The following ANK2 variants were observed in gnomAD, a reference collection of about 807,000 sequenced individuals.
The protein encoded by ANK2 is ankyrin 2, also known as ankyrin-2.
Under a neutral mutation model 360.5 loss-of-function variants are expected in ANK2, and 83 were observed. That is an observed-to-expected ratio of 0.23 (90% CI 0.19 to 0.28). ANK2 has a LOEUF of 0.28. Among genes scored for constraint, ANK2 ranks in the 10% least tolerant of loss-of-function variants. The pLI is 1.00. For synonymous variants in ANK2, 1,740 were observed against 1,759.5 expected, an observed-to-expected ratio of 0.99 and a Z score of 0.28; for missense variants, 4,201 against 4,795.7, an observed-to-expected ratio of 0.88 and a Z score of 3.66.
chr4:113,372,655 G>T, intron 43 of ANK2: 1 of 1,424,798 alleles, frequency 7.0e-7, no homozygotes, highest in Non-Finnish European at 9.6e-7. Context: ...TGCACGTCAG[G>T]GACAGTCCTG....
chr4:112,989,276 C>A (rs2045958401), intron 2 of ANK2, among the ~76,000 whole-genome samples: 1 of 152,172 alleles, frequency 6.6e-6, no homozygotes, highest in South Asian at 2.1e-4. Flanking sequence ...TTCAATAGGA[C>A]AATTTAATAA....
intron 2 of ANK2, among the ~76,000 whole-genome samples, chr4:112,956,049 C>G (rs973495556): frequency 6.6e-6 from 1 of 152,188 alleles, no homozygotes; most frequent in East Asian, 1.9e-4. Context: ...CCCTCTGATT[C>G]TTGGGAATAT....
chr4:113,332,615 A>G (rs1247054315), intron 28 of ANK2, among the ~76,000 whole-genome samples: 1 of 152,228 alleles, frequency 6.6e-6, no homozygotes, highest in East Asian at 1.9e-4. Context: ...CAAGTAGTCA[A>G]CTTTCTGACA....
chr4:112,762,701 G>C, the ANK2 span, among the ~76,000 whole-genome samples: 1 of 152,144 alleles, frequency 6.6e-6, no homozygotes, highest in Admixed American at 6.5e-5. Flanking sequence ...GTAGAGAGTG[G>C]GTTTCACCAC....
intron 35 of ANK2, among the ~76,000 whole-genome samples, chr4:113,346,500 T>A (rs1217445830): frequency 6.6e-6 from 1 of 152,164 alleles, no homozygotes; most frequent in Non-Finnish European, 1.5e-5. Context: ...AACTGCCCCG[T>A]GATATTTTAT....
chr4:113,287,583 T>A (rs1428219065), intron 18 of ANK2, 22 bp from the exon 19 acceptor site: 1 of 1,526,762 alleles, frequency 6.5e-7, no homozygotes, highest in Admixed American at 1.7e-5. Flanking sequence ...ACTGTATCCC[T>A]TTGGTTCCAT....
intron 4 of ANK2, among the ~76,000 whole-genome samples, chr4:113,220,145 AAAG>A (rs2153484184): frequency 6.6e-6 from 1 of 152,300 alleles, no homozygotes; most frequent in Admixed American, 6.5e-5. Context: ...TTCAGACTCA[AAAG>A]AAGGGAACAT....
At chr4:112,811,803 G>A in the ANK2 span, among the ~76,000 whole-genome samples, 2 of 152,164 alleles carry the variant, frequency 1.3e-5, no homozygotes, top group Non-Finnish European at 2.9e-5. Context: ...CCGGCCGGGC[G>A]CGGTGGCTCA....
chr4:113,166,758 C>G (rs938662335), intron 1 of ANK2, among the ~76,000 whole-genome samples: 1 of 152,032 alleles, frequency 6.6e-6, no homozygotes, highest in Non-Finnish European at 1.5e-5. Context: ...ACTTACTTCA[C>G]TTATATTTAT....
At chr4:112,906,045 T>C (rs1387049105) in intron 2 of ANK2, among the ~76,000 whole-genome samples, 1 of 152,210 alleles carries the variant, frequency 6.6e-6, no homozygotes, top group Non-Finnish European at 1.5e-5. Context: ...TCCAATACAT[T>C]TTGCTTCATT....
the ANK2 span, among the ~76,000 whole-genome samples, chr4:112,774,419 G>A: frequency 2.0e-5 from 3 of 151,984 alleles, no homozygotes; most frequent in Admixed American, 1.3e-4. Flanking sequence ...CCAGCTACTC[G>A]GGAGGCTGAG....
chr4:112,837,698 G>T (rs2061293447), intron 1 of ANK2, among the ~76,000 whole-genome samples: 1 of 152,216 alleles, frequency 6.6e-6, no homozygotes. Flanking sequence ...AGTTAAAGGA[G>T]GTTATTTTGG....
At chr4:112,766,129 C>T in the ANK2 span, among the ~76,000 whole-genome samples, 14 of 151,990 alleles carry the variant, frequency 9.2e-5, no homozygotes, top group African/African-American at 2.2e-4. Context: ...GTCAGGAGTT[C>T]GAGACCAGCC....
In ANK2 at chr4:113,382,626, CTTTT is replaced by C. The variant is rs531092201; in HGVS notation, c.*1163_*1166del. The C allele has an allele frequency of 6.9e-6, 1 of 144,206 alleles. No individual in the cohort carries two copies. 8.9% of individuals were successfully genotyped at this position (144,206 alleles called of 1,614,324 possible). On this transcript the variant is annotated 3_prime_UTR_variant, in exon 46 of 46. Transcript: ENST00000357077. ...CTCCTTCAGTATGTTGGAGTGGTTT[CTTTT>C]TTTTTTTCTTTCTTTCTTTTTTTTC... is the stretch of plus-strand genomic sequence containing the variant.
rs774214850 is a variant in ANK2, at chr4:113,333,064, G to T, written c.3235G>T (p.Val1079Leu). 1 of 1,614,176 alleles carries T rather than the reference G, an allele frequency of 6.2e-7. No individual in the cohort carries two copies. Among genetic ancestry groups the T allele is most frequent in the Non-Finnish European group, 8.5e-7 (1 of 1,180,022 alleles). ...PGTKFLGPVI[V>L]EIPHFAALRG... ...GCATTGCTATGTCAGGCCTGTGATC[G>T]TGGAGATCCCTCACTTTGCGGCCCT... The change falls in exon 29 of 46, where the codon GTG becomes TTG. Residue 1079 changes from valine to leucine, a missense_variant. By Grantham distance (32) the Val-to-Leu change is conservative. Around this residue, in one of 4 missense-constraint regions of ANK2, gnomAD observed 1,268 missense variants for 1,650.8 expected, o/e 0.77. Coordinates refer to ENST00000357077, the MANE Select transcript of ANK2 (RefSeq NM_001148.6).
Position 113,378,625 on chromosome 4 carries a change from G to A in ANK2, c.11860-2832G>A, listed in dbSNP as rs571603642. Reference sequence around the variant, plus strand: ...TGCTTTCTTTTAACAGCTGCTTTATGATTCTGCATGTGAGTGGCCAATAAC... The same window carrying A: ...TGCTTTCTTTTAACAGCTGCTTTATAATTCTGCATGTGAGTGGCCAATAAC... On this transcript the variant is annotated intron_variant, in intron 45 of 45. Transcript: ENST00000357077. Among the ~76,000 whole-genome samples the A allele has an allele frequency of 7.2e-5, 11 of 152,330 alleles. 1 individual carries two copies. The highest frequency in any genetic ancestry group is 2.6e-4 in the African/African-American group (11 of 41,582).
chr4:112,997,848 T>TAC lies in ANK2; in HGVS notation c.21+93344_21+93345dup, dbSNP rs746566624. Among the ~76,000 whole-genome samples the TAC allele has an allele frequency of 2.4e-3, 355 of 150,822 alleles. 1 individual carries two copies. The highest frequency in any genetic ancestry group is 0.01 in the Middle Eastern group (3 of 288). ...CATATATACAAATGACATATATATATACACACACACATATATATACACACA... is the reference window on the plus strand; with the variant it reads ...CATATATACAAATGACATATATATATACACACACACACATATATATACACACA... On this transcript the variant is annotated intron_variant, in intron 2 of 30. Transcript: ENST00000503271.
At chr4:113,123,124 T>C (rs958442073) in intron 1 of ANK2, among the ~76,000 whole-genome samples, 1 of 151,976 alleles carries the variant, frequency 6.6e-6, no homozygotes, top group Non-Finnish European at 1.5e-5. Context: ...ATTTTTGGAA[T>C]CTAAAATCTT....
At chr4:113,278,633 A>G in intron 17 of ANK2, 75 bp downstream of exon 17, 1 of 1,426,482 alleles carries the variant, frequency 7.0e-7, no homozygotes, top group South Asian at 1.2e-5. Flanking sequence ...TTGTCTTTTA[A>G]ACACATGGTA....
Sources: gnomAD v4.1 joint callset for allele counts (sites outside exome capture counted in the v4.1 genomes callset) on GRCh38, gnomAD v4.1.1 for gene constraint, gnomAD v4.1.1 regional missense constraint, MANE v1.5 for transcripts, NCBI Gene and HGNC (gene_info 2026-07-23, HGNC 2026-07-21) for gene names.